The following NAV2 variants were observed in gnomAD, a reference collection of about 807,000 sequenced individuals.
The protein encoded by NAV2 is neuron navigator 2.
NAV2 carries 54 observed loss-of-function variants against 223.2 expected under a neutral mutation model. The ratio of observed to expected loss-of-function variants is 0.24; its 90% CI spans 0.19 to 0.30. The LOEUF is 0.30. NAV2 is among the 10% of genes least tolerant of loss of function. NAV2 has a pLI of 1.00. For missense variants in NAV2, 2,806 were observed against 3,147.5 expected (o/e 0.89, Z 2.60); for synonymous variants, 1,279 against 1,239.3 (o/e 1.03, Z -0.67).
intron 1 of NAV2, among the ~76,000 whole-genome samples, chr11:19,646,702 A>G (rs1816298747): frequency 1.3e-5 from 2 of 152,192 alleles, no homozygotes; most frequent in Non-Finnish European, 1.5e-5. Context: ...TAGCATCTAT[A>G]CTCCAGGCAC....
Position 20,118,326 on chromosome 11 carries a change from C to T in NAV2, c.*68C>T. 1 of 1,558,366 alleles carries T rather than the reference C, an allele frequency of 6.4e-7. No homozygotes were observed. Among genetic ancestry groups the T allele is most frequent in the Non-Finnish European group, 8.7e-7 (1 of 1,143,426 alleles). Reference sequence around the variant, plus strand: ...TTCCACCTGCATCCCCCACATCACCCTGAAGATGACTTCCTGAGCCAGCCC... The same window carrying T: ...TTCCACCTGCATCCCCCACATCACCTTGAAGATGACTTCCTGAGCCAGCCC... On this transcript the variant is annotated 3_prime_UTR_variant, in exon 38 of 38. Coordinates refer to ENST00000349880, the MANE Select transcript of NAV2 (RefSeq NM_145117.5).
chr11:19,795,342 A>G (rs1440012639), intron 1 of NAV2, among the ~76,000 whole-genome samples: 3 of 152,230 alleles, frequency 2.0e-5, no homozygotes, highest in African/African-American at 7.2e-5. Flanking sequence ...TTCTCATGGC[A>G]TATTTAGAAT....
chr11:19,585,146 T>C (rs2045851867), intron 1 of NAV2, among the ~76,000 whole-genome samples: 1 of 152,202 alleles, frequency 6.6e-6, no homozygotes, highest in South Asian at 2.1e-4. Context: ...GCCTTCTTTG[T>C]CTCTTTTGAT....
chr11:20,115,631 CAAAAAAAAAAAAAAAAA>C (rs386373266), intron 37 of NAV2, among the ~76,000 whole-genome samples: 5 of 47,864 alleles, frequency 1.0e-4, no homozygotes, highest in South Asian at 1.7e-3. Context: ...GACTCCGTCT[CAAAAAAAAAAAAAAAAA>C]AAAAAAAGCA....
intron 1 of NAV2, among the ~76,000 whole-genome samples, chr11:19,522,138 G>A (rs1246494402): frequency 3.9e-5 from 6 of 152,182 alleles, no homozygotes; most frequent in East Asian, 1.9e-4. Flanking sequence ...CCCGACATAC[G>A]CCAGATCCCA....
At chr11:19,649,609 C>T (rs1030825819) in intron 1 of NAV2, among the ~76,000 whole-genome samples, 18 of 152,174 alleles carry the variant, frequency 1.2e-4, no homozygotes, top group African/African-American at 3.9e-4. Context: ...ACTGATCCCA[C>T]TCACAAGGGC....
At chr11:19,586,181 G>A (rs190894399) in intron 1 of NAV2, among the ~76,000 whole-genome samples, 233 of 152,162 alleles carry the variant, frequency 1.5e-3, no homozygotes, top group African/African-American at 4.7e-3. Flanking sequence ...CAGCTACTGC[G>A]GCTTGTGCAT....
chr11:19,644,400 C>T (rs1559662), intron 1 of NAV2, among the ~76,000 whole-genome samples: 8,348 of 152,286 alleles, frequency 0.055, 517 homozygotes, highest in African/African-American at 0.15. Context: ...TGCGAGAAGC[C>T]TTTGTTCCTA....
intron 1 of NAV2, among the ~76,000 whole-genome samples, chr11:19,784,509 G>C (rs182736123): frequency 3.3e-5 from 5 of 151,014 alleles, no homozygotes; most frequent in African/African-American, 1.2e-4. Flanking sequence ...ATTATACCAG[G>C]TGACTGTATA....
intron 29 of NAV2, among the ~76,000 whole-genome samples, chr11:20,094,191 A>C (rs1029172063): frequency 6.8e-6 from 1 of 146,106 alleles, no homozygotes; most frequent in Non-Finnish European, 1.5e-5. Flanking sequence ...ATGGACTGTT[A>C]GGGGAAACTC....
At chr11:20,049,746 T>C in intron 15 of NAV2, 90 bp from the exon 16 acceptor site, 1 of 1,239,176 alleles carries the variant, frequency 8.1e-7, no homozygotes, top group Non-Finnish European at 1.2e-6. Flanking sequence ...AGGATCAGCA[T>C]GGGGAATGAA....
At position 20,121,191 on chromosome 11, in the gene NAV2, A is replaced by G. The variant is rs1181953462; in HGVS notation, c.*2933A>G. ...GGCGAATCTACTTCAAAAAGGAAAA[A>G]TAATCCAACTTTGTGGATATTAAAT... is the stretch of plus-strand genomic sequence containing the variant. On this transcript the variant is annotated 3_prime_UTR_variant, in exon 38 of 38. Transcript: ENST00000349880. The G allele has an allele frequency of 6.5e-6, 1 of 152,672 alleles. No homozygotes were observed. The highest frequency in any genetic ancestry group is 1.5e-5 in the Non-Finnish European group (1 of 68,046). The allele number at this position is 152,672 out of a possible 1,614,324, so 9.5% of individuals were successfully genotyped here.
intron 26 of NAV2, among the ~76,000 whole-genome samples, chr11:20,084,716 A>G (rs759441219): frequency 3.3e-5 from 5 of 152,194 alleles, no homozygotes; most frequent in Non-Finnish European, 7.3e-5. Context: ...AGGAAAGAGT[A>G]AAGAACCAGT....
At chr11:20,046,460 C>T (rs2057438889) in intron 14 of NAV2, among the ~76,000 whole-genome samples, 1 of 152,028 alleles carries the variant, frequency 6.6e-6, no homozygotes, top group Non-Finnish European at 1.5e-5. Flanking sequence ...AATTCTTCAG[C>T]TGAGCTTCCT....
intron 36 of NAV2, among the ~76,000 whole-genome samples, chr11:20,112,836 A>C (rs913275563): frequency 6.6e-6 from 1 of 152,324 alleles, no homozygotes; most frequent in South Asian, 2.1e-4. Context: ...AGGTGGCCCC[A>C]GCTCCTTCCC....
rs548859815 is a variant in NAV2 at position 19,450,832 on chromosome 11, G to A, written c.75+99805G>A. Among the ~76,000 whole-genome samples, 83 of 152,284 alleles carry A rather than the reference G, an allele frequency of 5.5e-4. 1 individual carries two copies. The highest frequency in any genetic ancestry group is 1.5e-3 in the African/African-American group (61 of 41,552). ...TCTTCCCTACAGAACAGGGTTGTGCGTGTGACAGGCTTGTGCTTGGTGTTT... is the reference window on the plus strand; with the variant it reads ...TCTTCCCTACAGAACAGGGTTGTGCATGTGACAGGCTTGTGCTTGGTGTTT... On this transcript the variant is annotated intron_variant, in intron 1 of 37. Coordinates refer to the NAV2 transcript ENST00000360655.
chr11:19,815,907 C>A (rs758946440), intron 1 of NAV2, among the ~76,000 whole-genome samples: 26 of 152,172 alleles, frequency 1.7e-4, no homozygotes, highest in Non-Finnish European at 3.2e-4. Context: ...CTTTATTATT[C>A]TTCTTGAGAT....
At chr11:19,374,763 C>T (rs901112260) in intron 1 of NAV2, among the ~76,000 whole-genome samples, 2 of 152,148 alleles carry the variant, frequency 1.3e-5, no homozygotes, top group African/African-American at 2.4e-5. Flanking sequence ...GGGCATATAA[C>T]GTTCTCCCGC....
chr11:19,994,163 A>C (rs138669690), intron 11 of NAV2, among the ~76,000 whole-genome samples: 114 of 152,302 alleles, frequency 7.5e-4, no homozygotes, highest in African/African-American at 2.6e-3. Context: ...TCCTTTAGAA[A>C]CATTACCCAA....
Sources: allele counts gnomAD v4.1 joint callset (sites outside exome capture counted in the v4.1 genomes callset), GRCh38; gene constraint gnomAD v4.1.1; transcripts MANE v1.5; gene names NCBI Gene and HGNC (gene_info 2026-07-23, HGNC 2026-07-21).